Variants in GRM7 observed in about 807,000 individuals in gnomAD.
The protein encoded by GRM7 is glutamate metabotropic receptor 7.
A neutral mutation model predicts 84.5 loss-of-function variants in GRM7; 35 were observed. That is an observed-to-expected ratio of 0.41 (90% CI 0.32 to 0.55). The LOEUF (loss-of-function observed/expected upper bound fraction) is 0.55. Ranked by LOEUF, GRM7 falls within the 20% of genes least tolerant of loss-of-function variation. The probability of loss-of-function intolerance (pLI) is 0.19; values close to 1 mark genes in which losing one functional copy is unlikely to be tolerated. For synonymous variants in GRM7, 487 were observed against 455.1 expected (o/e 1.07, Z -0.89); for missense variants, 1,003 against 1,194.6 (o/e 0.84, Z 2.36).
At chr3:7,357,549 C>A (rs1199003821) in intron 4 of GRM7, among the ~76,000 whole-genome samples, 1 of 152,006 alleles carries the variant, frequency 6.6e-6, no homozygotes, top group East Asian at 1.9e-4. Context: ...GTAAAAGATA[C>A]CCTGTAAAAT....
At chr3:7,570,104 C>A (rs1162481397) in intron 7 of GRM7, among the ~76,000 whole-genome samples, 1 of 152,162 alleles carries the variant, frequency 6.6e-6, no homozygotes, top group Non-Finnish European at 1.5e-5. Context: ...TCACCTCCCA[C>A]CAAGTTTCTC....
chr3:7,165,160 T>C (rs1694758436), intron 2 of GRM7, among the ~76,000 whole-genome samples: 1 of 152,246 alleles, frequency 6.6e-6, no homozygotes, highest in Non-Finnish European at 1.5e-5. Context: ...CTGTTTTCAC[T>C]CTTCCTAACT....
At chr3:6,989,944 G>A (rs1051022599) in intron 1 of GRM7, among the ~76,000 whole-genome samples, 3 of 152,246 alleles carry the variant, frequency 2.0e-5, no homozygotes, top group East Asian at 1.9e-4. Flanking sequence ...GTGAACAGCT[G>A]TTGCTTCCCT....
rs543723593 is a variant in GRM7 at position 7,188,698 on chromosome 3, T to C, written c.736+42030T>C. Reference sequence around the variant, plus strand: ...CAACAGTGTAGCAGAGGAGTTTATTTCTCATTCCTGTACTATTCAAGGCAT... The same window carrying C: ...CAACAGTGTAGCAGAGGAGTTTATTCCTCATTCCTGTACTATTCAAGGCAT... On this transcript the variant is annotated intron_variant, in intron 2 of 9. Coordinates refer to ENST00000357716, the MANE Select transcript of GRM7 (RefSeq NM_000844.4). This position sits in a 1 kb window ranked among gnomAD's most constrained non-coding sequence, Gnocchi z 4.2. Among the ~76,000 whole-genome samples the C allele has an allele frequency of 1.1e-4, 16 of 152,252 alleles. 1 individual carries two copies. The South Asian group carries it at 3.3e-3, about 32-fold the overall frequency.
At chr3:7,214,244 A>C (rs1018725924) in intron 2 of GRM7, among the ~76,000 whole-genome samples, 6 of 152,234 alleles carry the variant, frequency 3.9e-5, no homozygotes, top group African/African-American at 1.2e-4. Flanking sequence ...ATGAATATGC[A>C]TCTGCAGGAA....
intron 2 of GRM7, among the ~76,000 whole-genome samples, chr3:7,276,789 T>TCCCTCCCTCCCTCCCTCCCTCCCTCCCTC: frequency 2.8e-4 from 1 of 3,522 alleles, no homozygotes; most frequent in Non-Finnish European, 6.0e-4. Context: ...CTTCCTTCCT[T>TCCCTCCCTCCCTCCCTCCCTCCCTCCCTC]CCTTCCTTCC....
At chr3:6,916,038 G>C (rs1696928785) in intron 1 of GRM7, among the ~76,000 whole-genome samples, 1 of 152,146 alleles carries the variant, frequency 6.6e-6, no homozygotes, top group African/African-American at 2.4e-5. Flanking sequence ...CTTTCAACAA[G>C]GCACTATCTT....
intron 3 of GRM7, among the ~76,000 whole-genome samples, chr3:7,305,538 C>G (rs1355953355): frequency 2.0e-5 from 1 of 50,104 alleles, no homozygotes; most frequent in African/African-American, 4.5e-5. Context: ...TGATATTCCC[C>G]TTCCTGTGTC....
At chr3:7,177,376 A>G (rs1695187570) in intron 2 of GRM7, among the ~76,000 whole-genome samples, 1 of 152,214 alleles carries the variant, frequency 6.6e-6, no homozygotes, top group African/African-American at 2.4e-5. Flanking sequence ...TTGAGGAATC[A>G]GTAATTATGT....
chr3:6,916,452 G>A (rs1202096421), intron 1 of GRM7, among the ~76,000 whole-genome samples: 4 of 152,138 alleles, frequency 2.6e-5, no homozygotes, highest in South Asian at 2.1e-4. Flanking sequence ...TCACTGAAAT[G>A]AGCAATAAAG....
intron 7 of GRM7, among the ~76,000 whole-genome samples, chr3:7,555,995 A>G (rs1693739862): frequency 6.6e-6 from 1 of 152,158 alleles, no homozygotes; most frequent in Non-Finnish European, 1.5e-5. Flanking sequence ...TACACTCTCA[A>G]TTAACCTGTC....
intron 8 of GRM7, among the ~76,000 whole-genome samples, chr3:7,670,289 G>A (rs955774737): frequency 1.3e-5 from 2 of 152,168 alleles, no homozygotes; most frequent in African/African-American, 4.8e-5. Flanking sequence ...TTGGTGGCAG[G>A]ACAGGAAAGA....
chr3:7,451,718 A>G (rs559199447), intron 5 of GRM7: 3 of 152,186 alleles, frequency 2.0e-5, no homozygotes, highest in Non-Finnish European at 4.4e-5. Flanking sequence ...TACCTCACAA[A>G]GTGATGATGA....
chr3:7,564,302 A>C (rs1280016993), intron 7 of GRM7, among the ~76,000 whole-genome samples: 1 of 152,160 alleles, frequency 6.6e-6, no homozygotes, highest in East Asian at 1.9e-4. Context: ...TAAGTGTAGG[A>C]GGTAATTATT....
chr3:7,112,692 C>T (rs968696271), intron 1 of GRM7, among the ~76,000 whole-genome samples: 1 of 152,138 alleles, frequency 6.6e-6, no homozygotes. Context: ...CCATGACTGT[C>T]ATCACTTCAA....
At chr3:7,113,372 T>A (rs1692925796) in intron 1 of GRM7, among the ~76,000 whole-genome samples, 1 of 152,152 alleles carries the variant, frequency 6.6e-6, no homozygotes, top group African/African-American at 2.4e-5. Flanking sequence ...ATACACAGCC[T>A]CGTTCCTTAT....
chr3:7,684,650 C>G (rs550138830), intron 9 of GRM7, among the ~76,000 whole-genome samples: 16 of 152,292 alleles, frequency 1.1e-4, no homozygotes, highest in Admixed American at 2.6e-4. Context: ...TAATTATCCT[C>G]TTAGTTTGCT....
intron 7 of GRM7, among the ~76,000 whole-genome samples, chr3:7,557,408 A>G (rs1393521670): frequency 2.0e-5 from 3 of 152,186 alleles, no homozygotes; most frequent in African/African-American, 7.2e-5. Flanking sequence ...TGCAGTTTGA[A>G]TATATTTTGA....
At chr3:7,435,987 C>A (rs1438913227) in intron 5 of GRM7, among the ~76,000 whole-genome samples, 3 of 151,406 alleles carry the variant, frequency 2.0e-5, no homozygotes, top group Non-Finnish European at 4.4e-5. Context: ...CAGGCGTGAG[C>A]CACCAGGCCC....
Sources: allele counts gnomAD v4.1 joint callset (sites outside exome capture counted in the v4.1 genomes callset), GRCh38; gene constraint gnomAD v4.1.1; non-coding constraint Gnocchi (gnomAD v3.1); transcripts MANE v1.5; gene names NCBI Gene and HGNC (gene_info 2026-07-23, HGNC 2026-07-21).